The following SYN3 variants were observed in gnomAD, a reference collection of about 807,000 sequenced individuals.
The protein encoded by SYN3 is synapsin III.
Under a neutral mutation model 65.8 loss-of-function variants are expected in SYN3, and 35 were observed. The observed-to-expected ratio is 0.53, with a 90% CI of 0.41 to 0.70. SYN3 has a LOEUF of 0.70. Among genes scored for constraint, SYN3 ranks in the 30% least tolerant of loss-of-function variants. The probability of loss-of-function intolerance (pLI) is 0.00; values close to 1 mark genes in which losing one functional copy is unlikely to be tolerated. For missense variants in SYN3, 680 were observed against 749.0 expected, an observed-to-expected ratio of 0.91 and a Z score of 1.08; for synonymous variants, 270 against 292.9, an observed-to-expected ratio of 0.92 and a Z score of 0.80.
chr22:32,553,031 T>C (rs181615147), intron 7 of SYN3, among the ~76,000 whole-genome samples: 1 of 152,364 alleles, frequency 6.6e-6, no homozygotes, highest in Non-Finnish European at 1.5e-5. Context: ...TCTGGCTGTG[T>C]CCTCATGTGC....
chr22:32,741,590 C>T (rs1438971290), intron 6 of SYN3, among the ~76,000 whole-genome samples: 4 of 151,860 alleles, frequency 2.6e-5, no homozygotes, highest in African/African-American at 9.7e-5. Flanking sequence ...CTCCTGACCT[C>T]GTGATCCGCC....
chr22:32,820,631 T>G (rs1177768614), intron 6 of SYN3, among the ~76,000 whole-genome samples: 1 of 152,172 alleles, frequency 6.6e-6, no homozygotes, highest in East Asian at 1.9e-4. Flanking sequence ...TGCTTAGGGT[T>G]GGGCAGGGGC....
At chr22:33,027,651 GAA>G (rs1487788286) in intron 1 of SYN3, among the ~76,000 whole-genome samples, 72 of 150,990 alleles carry the variant, frequency 4.8e-4, no homozygotes, top group South Asian at 8.4e-4. Flanking sequence ...GAGAGAGAGA[GAA>G]AGAAAAGAAA....
chr22:32,840,537 A>AG (rs371278527), intron 6 of SYN3, among the ~76,000 whole-genome samples: 3 of 145,908 alleles, frequency 2.1e-5, no homozygotes, highest in South Asian at 4.9e-4. Flanking sequence ...TTGCAGTGGG[A>AG]GGGGGGTCAT....
intron 6 of SYN3, among the ~76,000 whole-genome samples, chr22:32,772,807 C>T (rs2045808610): frequency 1.4e-5 from 1 of 71,922 alleles, no homozygotes; most frequent in Non-Finnish European, 2.6e-5. Context: ...ACTCTCTCCT[C>T]AGGCCACTGA....
At chr22:32,567,898 CCTT>C (rs1173379863) in intron 7 of SYN3, among the ~76,000 whole-genome samples, 3 of 152,220 alleles carry the variant, frequency 2.0e-5, no homozygotes, top group Admixed American at 6.5e-5. Flanking sequence ...CCTCCCTCCT[CCTT>C]CTCTTGCCAA....
chr22:32,803,411 G>A (rs2046644461), intron 6 of SYN3, among the ~76,000 whole-genome samples: 1 of 152,148 alleles, frequency 6.6e-6, no homozygotes, highest in Non-Finnish European at 1.5e-5. Flanking sequence ...TGAGCCTAGA[G>A]GTCAGAGTGG....
At chr22:32,871,436 A>G (rs1181810350) in intron 4 of SYN3, among the ~76,000 whole-genome samples, 2 of 152,140 alleles carry the variant, frequency 1.3e-5, no homozygotes, top group Non-Finnish European at 2.9e-5. Context: ...GGATTTGGAA[A>G]TCTACCTCAA....
intron 6 of SYN3, chr22:32,849,654 A>G: frequency 1.2e-6 from 1 of 864,706 alleles, no homozygotes; most frequent in Non-Finnish European, 1.9e-6. Flanking sequence ...AGCCAGACCC[A>G]GCCCTTCTGC....
intron 6 of SYN3, among the ~76,000 whole-genome samples, chr22:32,703,927 T>A (rs1354927458): frequency 6.6e-6 from 1 of 152,216 alleles, no homozygotes; most frequent in Non-Finnish European, 1.5e-5. Context: ...TTAACTAATG[T>A]AAAAAGCATA....
intron 4 of SYN3, among the ~76,000 whole-genome samples, chr22:32,910,978 G>C (rs1405293190): frequency 6.6e-6 from 1 of 152,188 alleles, no homozygotes; most frequent in Non-Finnish European, 1.5e-5. Flanking sequence ...CCTGAATCCA[G>C]GTCAGCTTAA....
At chr22:32,904,514 C>T (rs533734797) in intron 4 of SYN3, among the ~76,000 whole-genome samples, 1 of 152,224 alleles carries the variant, frequency 6.6e-6, no homozygotes, top group Admixed American at 6.5e-5. Context: ...TTGTGTTAGA[C>T]CACCAAGTTT....
intron 6 of SYN3, among the ~76,000 whole-genome samples, chr22:32,756,280 A>G (rs2045290294): frequency 6.6e-6 from 1 of 152,108 alleles, no homozygotes; most frequent in Non-Finnish European, 1.5e-5. Context: ...TCAAACAGAA[A>G]TAATTTATAG....
At chr22:32,923,207 C>T (rs977438280) in intron 4 of SYN3, among the ~76,000 whole-genome samples, 3 of 152,116 alleles carry the variant, frequency 2.0e-5, no homozygotes, top group African/African-American at 7.2e-5. Context: ...AGTCTGAAGG[C>T]CTAAGAACCA....
Position 32,782,969 on chromosome 22 carries a change from A to C in SYN3, c.711+81946T>G, listed in dbSNP as rs997511277. 3.3e-5 allele frequency among the ~76,000 whole-genome samples: 5 copies of C among 152,196 alleles called. No homozygotes were observed. In the South Asian group the frequency reaches 1.0e-3, roughly 32 times the overall value. On this transcript the variant is annotated intron_variant, in intron 6 of 13. Coordinates refer to ENST00000358763, the MANE Select transcript of SYN3 (RefSeq NM_003490.4). ...CTCTATTGAGAGGAGTTAGTTAAGC[A>C]CTTCTCATTGAAGCTTCCCAGAGAG...
intron 8 of SYN3, among the ~76,000 whole-genome samples, chr22:32,541,152 G>A (rs920481575): frequency 6.6e-6 from 1 of 152,126 alleles, no homozygotes; most frequent in African/African-American, 2.4e-5. Flanking sequence ...CAGAGAAACC[G>A]TTCTGCACCT....
chr22:32,659,781 G>A (rs1380598638), intron 6 of SYN3, among the ~76,000 whole-genome samples: 1 of 152,122 alleles, frequency 6.6e-6, no homozygotes, highest in East Asian at 1.9e-4. Flanking sequence ...ATTCTGCCAG[G>A]CAACCAGGTG....
intron 6 of SYN3, among the ~76,000 whole-genome samples, chr22:32,711,861 G>A (rs2060970687): frequency 6.6e-6 from 1 of 152,190 alleles, no homozygotes; most frequent in Non-Finnish European, 1.5e-5. Flanking sequence ...GTTGGTCTGT[G>A]GGCCAGGGGC....
intron 1 of SYN3, among the ~76,000 whole-genome samples, chr22:33,021,420 T>A (rs9607002): frequency 0.12 from 17,852 of 152,190 alleles, 1,391 homozygotes; most frequent in East Asian, 0.36. Flanking sequence ...TCACCCCCCA[T>A]ACAATTGCTT....
Sources: allele counts gnomAD v4.1 joint callset (sites outside exome capture counted in the v4.1 genomes callset), GRCh38; gene constraint gnomAD v4.1.1; transcripts MANE v1.5; gene names NCBI Gene and HGNC (gene_info 2026-07-23, HGNC 2026-07-21).